Variants in AFF1 observed in about 807,000 individuals in gnomAD.
AFF1 encodes AF4/FMR2 family member 1.
A neutral mutation model predicts 121.7 loss-of-function variants in AFF1; 48 were observed. The observed-to-expected ratio is 0.39, with a 90% CI of 0.31 to 0.50. The LOEUF is 0.50. AFF1 is among the 20% of genes least tolerant of loss of function. The pLI is 0.76. For synonymous variants in AFF1, 613 were observed against 563.0 expected, an observed-to-expected ratio of 1.09 and a Z score of -1.26; for missense variants, 1,523 against 1,511.7, an observed-to-expected ratio of 1.01 and a Z score of -0.12.
At chr4:87,117,488 C>T (rs1393714338) in intron 12 of AFF1, among the ~76,000 whole-genome samples, 1 of 152,164 alleles carries the variant, frequency 6.6e-6, no homozygotes, top group African/African-American at 2.4e-5. Flanking sequence ...GAATCCCCAA[C>T]CCCCATTGGT....
intron 2 of AFF1, among the ~76,000 whole-genome samples, chr4:87,003,499 T>C (rs1469074400): frequency 1.3e-5 from 2 of 152,186 alleles, no homozygotes; most frequent in Non-Finnish European, 2.9e-5. Flanking sequence ...AGCGATCTTT[T>C]TACCTTGGCC....
intron 2 of AFF1, among the ~76,000 whole-genome samples, chr4:87,004,369 T>G (rs1280159378): frequency 7.2e-5 from 11 of 152,198 alleles, no homozygotes; most frequent in Non-Finnish European, 1.5e-5. Context: ...TTTACTACAT[T>G]AAAAATTAAA....
chr4:87,033,834 A>G (rs1212099012), intron 2 of AFF1, among the ~76,000 whole-genome samples: 1 of 152,190 alleles, frequency 6.6e-6, no homozygotes, highest in Non-Finnish European at 1.5e-5. Flanking sequence ...GGTTAACTTC[A>G]AAATTTATTT....
intron 12 of AFF1, among the ~76,000 whole-genome samples, chr4:87,123,709 G>C (rs185057559): frequency 6.6e-6 from 1 of 152,120 alleles, no homozygotes; most frequent in Non-Finnish European, 1.5e-5. Flanking sequence ...CTATTATTTT[G>C]TGTGGAGCCA....
chr4:87,031,244 C>G (rs534894246), intron 2 of AFF1, among the ~76,000 whole-genome samples: 3 of 152,172 alleles, frequency 2.0e-5, no homozygotes, highest in Non-Finnish European at 4.4e-5. Context: ...GATCACTCCC[C>G]TACAAACTTA....
intron 4 of AFF1, among the ~76,000 whole-genome samples, chr4:87,066,973 T>G (rs1293441904): frequency 6.6e-6 from 1 of 152,256 alleles, no homozygotes; most frequent in Non-Finnish European, 1.5e-5. Flanking sequence ...CTGAAGAGTC[T>G]GCAGCTGTTT....
intron 5 of AFF1, among the ~76,000 whole-genome samples, chr4:87,086,893 T>C (rs772937330): frequency 1.1e-4 from 16 of 152,312 alleles, no homozygotes; most frequent in Admixed American, 9.2e-4. Context: ...AATGTTTGGT[T>C]CTCTGGGGTC....
chr4:86,994,592 C>T (rs1244143602), intron 2 of AFF1, among the ~76,000 whole-genome samples: 1 of 152,192 alleles, frequency 6.6e-6, no homozygotes, highest in Non-Finnish European at 1.5e-5. Context: ...TTTTGGCTGC[C>T]TTTCTGCTCA....
intron 2 of AFF1, among the ~76,000 whole-genome samples, chr4:87,027,620 G>A (rs1480112470): frequency 6.6e-6 from 1 of 151,974 alleles, no homozygotes; most frequent in African/African-American, 2.4e-5. Flanking sequence ...TTATTCTTGT[G>A]GTTATTTTTT....
intron 1 of AFF1, among the ~76,000 whole-genome samples, chr4:86,938,115 TG>T: frequency 6.6e-6 from 1 of 152,262 alleles, no homozygotes; most frequent in Middle Eastern, 3.4e-3. Context: ...ACTAATTTTT[TG>T]GGAGATTGAG....
intron 2 of AFF1, among the ~76,000 whole-genome samples, chr4:87,017,681 G>C (rs1010689061): frequency 2.9e-4 from 44 of 152,194 alleles, no homozygotes; most frequent in African/African-American, 1.0e-3. Context: ...GCAAAAATGC[G>C]CTGTTCTCAT....
chr4:87,085,056 C>CT (rs1372755389), intron 5 of AFF1, among the ~76,000 whole-genome samples: 1 of 152,114 alleles, frequency 6.6e-6, no homozygotes, highest in African/African-American at 2.4e-5. Context: ...TGAAGGATTA[C>CT]TTTTTGCTTT....
chr4:87,011,293 C>T (rs1243962653), intron 2 of AFF1, among the ~76,000 whole-genome samples: 1 of 152,052 alleles, frequency 6.6e-6, no homozygotes, highest in African/African-American at 2.4e-5. Context: ...TCAACTCTCC[C>T]ACAGTTTTTA....
At chr4:87,060,821 G>GT (rs1262098925) in intron 4 of AFF1, among the ~76,000 whole-genome samples, 26 of 125,674 alleles carry the variant, frequency 2.1e-4, no homozygotes, top group Non-Finnish European at 3.6e-4. Flanking sequence ...CCTGGCGAGA[G>GT]TGAGACTCTG....
At chr4:86,940,335 G>A (rs557661078) in intron 1 of AFF1, among the ~76,000 whole-genome samples, 2 of 152,298 alleles carry the variant, frequency 1.3e-5, no homozygotes, top group East Asian at 3.9e-4. Flanking sequence ...TTTTCCAAAG[G>A]GTTATGTGAA....
intron 2 of AFF1, among the ~76,000 whole-genome samples, chr4:87,017,398 T>C (rs574558184): frequency 6.6e-6 from 1 of 152,314 alleles, no homozygotes; most frequent in South Asian, 2.1e-4. Context: ...TTTTCCCCCA[T>C]ATACAGTTCT....
chr4:87,022,924 A>G (rs1252713220), intron 2 of AFF1, among the ~76,000 whole-genome samples: 1 of 152,012 alleles, frequency 6.6e-6, no homozygotes, highest in African/African-American at 2.4e-5. Flanking sequence ...TTTATTTAAT[A>G]TAGATGGAGT....
Position 86,942,850 on chromosome 4 carries a change from A to G in AFF1, c.-36-5648A>G, listed in dbSNP as rs185645836. Among the ~76,000 whole-genome samples, 93 of 152,380 alleles carry G rather than the reference A, an allele frequency of 6.1e-4. 1 individual carries two copies. The highest frequency in any genetic ancestry group is 1.2e-4 in the Non-Finnish European group (8 of 68,040). On this transcript the variant is annotated intron_variant, in intron 1 of 20. Transcript: ENST00000395146. ...AAAGCAGAAAAAGTCAGAGTTCCTG[A>G]TGCCTCATTGCATAGCTAACAGTAT...
At chr4:87,041,097 G>C (rs1022423713) in intron 2 of AFF1, among the ~76,000 whole-genome samples, 26 of 150,966 alleles carry the variant, frequency 1.7e-4, no homozygotes, top group Non-Finnish European at 3.0e-4. Flanking sequence ...AGCTGGTCTC[G>C]AACTCCTGAC....
Sources: allele counts gnomAD v4.1 joint callset (sites outside exome capture counted in the v4.1 genomes callset), GRCh38; gene constraint gnomAD v4.1.1; transcripts MANE v1.5; gene names NCBI Gene and HGNC (gene_info 2026-07-23, HGNC 2026-07-21).